LRPPRC: variants seen among roughly 807,000 people sequenced by gnomAD.
LRPPRC encodes the protein leucine-rich PPR motif-containing protein, mitochondrial.
Under a neutral mutation model 180.3 loss-of-function variants are expected in LRPPRC, and 120 were observed. The observed-to-expected ratio is 0.67, with a 90% CI of 0.57 to 0.77. The LOEUF (loss-of-function observed/expected upper bound fraction) is 0.77, where lower values mean the gene tolerates loss of function less well. LRPPRC is among the 30% of genes least tolerant of loss of function. The probability of loss-of-function intolerance (pLI) is 0.00; values close to 1 mark genes in which losing one functional copy is unlikely to be tolerated. For missense variants in LRPPRC, 2,012 were observed against 1,657.2 expected, an observed-to-expected ratio of 1.21 and a Z score of -3.72; for synonymous variants, 723 against 600.0, an observed-to-expected ratio of 1.21 and a Z score of -3.00.
intron 29 of LRPPRC, among the ~76,000 whole-genome samples, chr2:43,916,949 GGAAAA>G (rs1278509481): frequency 4.3e-5 from 5 of 115,816 alleles, no homozygotes; most frequent in East Asian, 2.6e-4. Context: ...GTCTCCGGGG[GGAAAA>G]AAAAAAAAAA....
Position 43,947,145 on chromosome 2 carries a change from G to A in LRPPRC, c.2079+112C>T, listed in dbSNP as rs1045035828. Reference sequence around the variant, plus strand: ...TTTCATTTAATTGCATTCTTTACAAGCCTGACATATAACGATCAATTGTAA... The same window carrying A: ...TTTCATTTAATTGCATTCTTTACAAACCTGACATATAACGATCAATTGTAA... On this transcript the variant is annotated intron_variant, in intron 20 of 37. Transcript: ENST00000260665. 5 of 604,672 alleles carry A rather than the reference G, an allele frequency of 8.3e-6. No homozygotes were observed. In the Admixed American group the frequency reaches 8.8e-5, roughly 11 times the overall value. 37.5% of individuals were successfully genotyped at this position (604,672 alleles called of 1,614,324 possible).
chr2:43,973,513 A>C (rs1240050256), intron 11 of LRPPRC, 94 bp downstream of exon 11: 2 of 808,184 alleles, frequency 2.5e-6, no homozygotes, highest in Non-Finnish European at 4.4e-6. Flanking sequence ...CTCAGGAATA[A>C]GTATGCTTTT....
chr2:43,892,691 G>T lies in LRPPRC; in HGVS notation c.3985+1854C>A, dbSNP rs1296894735. 2.6e-5 allele frequency: 4 copies of T among 152,034 alleles called. No homozygotes were observed. The East Asian group carries it at 7.7e-4, about 29-fold the overall frequency. 9.4% of individuals were successfully genotyped at this position (152,034 alleles called of 1,614,324 possible). ...GACTTTCAAGTCTTAACACATTTTGGGCTCACTTCGGCAACACATATACTG... is the reference window on the plus strand; with the variant it reads ...GACTTTCAAGTCTTAACACATTTTGTGCTCACTTCGGCAACACATATACTG... On this transcript the variant is annotated intron_variant, in intron 36 of 37. Coordinates refer to ENST00000260665, the MANE Select transcript of LRPPRC (RefSeq NM_133259.4).
intron 30 of LRPPRC, among the ~76,000 whole-genome samples, chr2:43,906,833 T>G (rs1671081926): frequency 6.6e-6 from 1 of 152,174 alleles, no homozygotes; most frequent in Non-Finnish European, 1.5e-5. Flanking sequence ...GGTCCACCCC[T>G]GCAGTCCCTG....
In LRPPRC at chr2:43,889,887, G is replaced by GA. The variant is rs754296354; in HGVS notation, c.3986-12dup. On this transcript the variant is annotated splice_polypyrimidine_tract_variant and intron_variant, in intron 36 of 37. Transcript: ENST00000260665. ...CATCTTTCTCTGAGACTGACATAAA[G>GA]AAAAAAATATATTAATCAGAGATAA... is the stretch of plus-strand genomic sequence containing the variant. The GA allele has an allele frequency of 6.3e-7, 1 of 1,590,424 alleles. No homozygotes were observed. The highest frequency in any genetic ancestry group is 8.6e-7 in the Non-Finnish European group (1 of 1,158,642).
intron 25 of LRPPRC, among the ~76,000 whole-genome samples, chr2:43,932,147 A>G (rs1256381747): frequency 6.7e-6 from 1 of 148,968 alleles, no homozygotes; most frequent in Non-Finnish European, 1.5e-5. Flanking sequence ...AAAAAAAAAA[A>G]AAAAAAGACT....
chr2:43,889,185 G>T (rs1459927706), intron 37 of LRPPRC, among the ~76,000 whole-genome samples: 1 of 151,760 alleles, frequency 6.6e-6, no homozygotes, highest in Non-Finnish European at 1.5e-5. Context: ...CATGGTGGCA[G>T]GCCCCTGTAA....
intron 36 of LRPPRC, 33 bp from the exon 37 acceptor site, chr2:43,889,909 A>G: frequency 1.3e-6 from 2 of 1,529,428 alleles, no homozygotes; most frequent in Non-Finnish European, 1.8e-6. Context: ...TTAATCAGAG[A>G]TAAAGACAAC....
At chr2:43,943,088 C>T (rs1453724692) in intron 23 of LRPPRC, among the ~76,000 whole-genome samples, 2 of 151,988 alleles carry the variant, frequency 1.3e-5, no homozygotes, top group African/African-American at 4.8e-5. Context: ...TACGCTTAGT[C>T]ATCTTACTAA....
intron 31 of LRPPRC, chr2:43,901,782 G>C (rs947692894): frequency 2.5e-5 from 11 of 443,136 alleles, no homozygotes; most frequent in Non-Finnish European, 4.5e-5. Context: ...CCGACAATAT[G>C]AGTTCCATTT....
chr2:43,946,907 A>G (rs552634741), intron 20 of LRPPRC, among the ~76,000 whole-genome samples: 5 of 152,186 alleles, frequency 3.3e-5, no homozygotes, highest in East Asian at 1.9e-4. Context: ...CTGCATTAAC[A>G]ACCTAGTAAT....
At chr2:43,936,412 G>A (rs1306602923) in intron 23 of LRPPRC, among the ~76,000 whole-genome samples, 1 of 152,216 alleles carries the variant, frequency 6.6e-6, no homozygotes, top group Non-Finnish European at 1.5e-5. Flanking sequence ...GGCATGGTTA[G>A]AGACATGGCT....
intron 12 of LRPPRC, among the ~76,000 whole-genome samples, chr2:43,961,601 A>C (rs1673349929): frequency 6.6e-6 from 1 of 152,208 alleles, no homozygotes; most frequent in Admixed American, 6.5e-5. Context: ...TTATCAACAA[A>C]CATTTATTAT....
chr2:43,909,198 A>C (rs17496334), intron 30 of LRPPRC, among the ~76,000 whole-genome samples: 11,551 of 152,238 alleles, frequency 0.076, 563 homozygotes, highest in South Asian at 0.14. Context: ...GTACTCAACA[A>C]TTTAACCCAT....
chr2:43,992,150 C>G (rs1198980655), intron 1 of LRPPRC, among the ~76,000 whole-genome samples: 1 of 152,040 alleles, frequency 6.6e-6, no homozygotes, highest in Non-Finnish European at 1.5e-5. Flanking sequence ...AGGAGCCAGT[C>G]AAATGGGAGA....
rs1572953009 is a variant in LRPPRC at position 43,946,042 on chromosome 2, T to C, written c.2210+71A>G. 6.2e-6 allele frequency: 9 copies of C among 1,443,572 alleles called. No individual in the cohort carries two copies. In the East Asian group the frequency reaches 2.0e-4, roughly 33 times the overall value. 89.4% of individuals were successfully genotyped at this position (1,443,572 alleles called of 1,614,324 possible). On this transcript the variant is annotated intron_variant, in intron 21 of 37. Transcript: ENST00000260665. ...CATTATATAAGAGAGTAATATTCCATCTAGATAATCTATCAAGGTCTGTAG... is the reference window on the plus strand; with the variant it reads ...CATTATATAAGAGAGTAATATTCCACCTAGATAATCTATCAAGGTCTGTAG...
chr2:43,960,079 A>G (rs1673277365), intron 13 of LRPPRC, among the ~76,000 whole-genome samples: 1 of 152,232 alleles, frequency 6.6e-6, no homozygotes, highest in Non-Finnish European at 1.5e-5. Flanking sequence ...GTGTTTAAAA[A>G]TGTTTAGTAA....
At chr2:43,925,026 A>T (rs758613772) in intron 27 of LRPPRC, 41 bp downstream of exon 27, 1 of 1,164,838 alleles carries the variant, frequency 8.6e-7, no homozygotes, top group Non-Finnish European at 1.3e-6. Flanking sequence ...ACTGCCTTCA[A>T]CAGAATAAAT....
At chr2:43,985,025 C>G (rs1674466747) in intron 1 of LRPPRC, among the ~76,000 whole-genome samples, 1 of 148,022 alleles carries the variant, frequency 6.8e-6, no homozygotes, top group South Asian at 2.1e-4. Flanking sequence ...TTTAACTCTT[C>G]AATAGAAAAC....
Sources: gnomAD v4.1 joint callset for allele counts (sites outside exome capture counted in the v4.1 genomes callset) on GRCh38, gnomAD v4.1.1 for gene constraint, MANE v1.5 for transcripts, NCBI Gene and HGNC (gene_info 2026-07-23, HGNC 2026-07-21) for gene names.